ECT2L: variants seen among roughly 807,000 people sequenced by gnomAD.
The protein encoded by ECT2L is epithelial cell transforming 2 like, also known as epithelial cell-transforming sequence 2 oncogene-like.
ECT2L carries 126 observed loss-of-function variants against 122.8 expected under a neutral mutation model. That is an observed-to-expected ratio of 1.03 (90% confidence interval 0.89 to 1.19). The LOEUF (loss-of-function observed/expected upper bound fraction) is 1.19. ECT2L is among the 50% of genes most tolerant of loss of function. The probability of loss-of-function intolerance (pLI) is 0.00; values close to 1 mark genes in which losing one functional copy is unlikely to be tolerated. For synonymous variants in ECT2L, 385 were observed against 381.8 expected, an observed-to-expected ratio of 1.01 and a Z score of -0.10; for missense variants, 1,012 against 1,064.1, an observed-to-expected ratio of 0.95 and a Z score of 0.68.
intron 7 of ECT2L, 86 bp downstream of exon 7, chr6:138,844,666 A>G (rs1344046838): frequency 7.9e-7 from 1 of 1,269,980 alleles, no homozygotes; most frequent in Non-Finnish European, 1.1e-6. Context: ...TCACGCAGAA[A>G]TCTTGTGTAA....
At chr6:138,858,530 G>GC (rs1281332171) in intron 10 of ECT2L, among the ~76,000 whole-genome samples, 5 of 151,860 alleles carry the variant, frequency 3.3e-5, no homozygotes, top group Non-Finnish European at 7.4e-5. Flanking sequence ...ATGTAGGCCT[G>GC]CCCCATGAAA....
chr6:138,824,558 T>TAAAAAAAAAAAAAAAAAAAAAAA (rs748380178), intron 4 of ECT2L, among the ~76,000 whole-genome samples: 1 of 131,766 alleles, frequency 7.6e-6, no homozygotes, highest in African/African-American at 2.8e-5. Context: ...AAAAAAACTA[T>TAAAAAAAAAAAAAAAAAAAAAAA]AAAAAAAAAC....
At chr6:138,828,346 C>G (rs974830565) in intron 4 of ECT2L, among the ~76,000 whole-genome samples, 2 of 152,160 alleles carry the variant, frequency 1.3e-5, no homozygotes, top group African/African-American at 4.8e-5. Flanking sequence ...TAGGTTTTCT[C>G]CCCTCACCCT....
intron 14 of ECT2L, among the ~76,000 whole-genome samples, chr6:138,878,731 G>A (rs1315044757): frequency 1.3e-5 from 2 of 152,214 alleles, no homozygotes; most frequent in Non-Finnish European, 2.9e-5. Context: ...ACAGGCATGA[G>A]CCACCGCACG....
At chr6:138,841,443 C>T (rs1777037208) in intron 5 of ECT2L, among the ~76,000 whole-genome samples, 1 of 152,192 alleles carries the variant, frequency 6.6e-6, no homozygotes, top group South Asian at 2.1e-4. Context: ...TGAGATGTTT[C>T]AAAGCTGGCT....
chr6:138,878,744 G>A (rs1405476902), intron 14 of ECT2L, among the ~76,000 whole-genome samples: 1 of 152,176 alleles, frequency 6.6e-6, no homozygotes, highest in Admixed American at 6.5e-5. Flanking sequence ...ACCGCACGTG[G>A]CCAAGGAGGT....
In ECT2L at chr6:138,853,946, TA is replaced by T. The variant is rs1356155451; in HGVS notation, c.1070-79del. On this transcript the variant is annotated intron_variant, in intron 9 of 21. Transcript: ENST00000541398. ...GCAGATGGCATTTTGATTTTGTGCT[TA>T]CATTTTCACAAGCTGCTAATAATTT... 2.5e-5 allele frequency: 38 copies of T among 1,502,950 alleles called. No individual in the cohort carries two copies. The Admixed American group carries it at 6.9e-4, about 27-fold the overall frequency. 93.1% of individuals were successfully genotyped at this position (1,502,950 alleles called of 1,614,324 possible). A position where few individuals can be genotyped will look rare whatever the true frequency, so the allele number is the denominator to read the frequency against.
intron 9 of ECT2L, among the ~76,000 whole-genome samples, chr6:138,851,909 GATTT>G (rs2128394456): frequency 6.6e-6 from 1 of 152,304 alleles, no homozygotes; most frequent in South Asian, 2.1e-4. Flanking sequence ...GTTGGCTACA[GATTT>G]ATTATATTCC....
In ECT2L at chr6:138,849,401, G is replaced by T; in HGVS notation, c.1036G>T (p.Asp346Tyr). ...GGCACAGAGCATCGGAATATTTAGC[G>T]ATGGAGACAGCAGAGAAATCAATTT... ...QKAQSIGIFS[D>Y]GDSREINLLQ... The change falls in exon 9 of 22, where the codon GAT (aspartate) becomes TAT (tyrosine). Residue 346 changes from aspartate to tyrosine, a missense_variant. Asp to Tyr is a radical substitution (Grantham distance 160, BLOSUM62 -3). Transcript: ENST00000541398. 1 of 1,613,726 alleles carries T rather than the reference G, an allele frequency of 6.2e-7. No individual in the cohort carries two copies. Among genetic ancestry groups the T allele is most frequent in the South Asian group, 1.1e-5 (1 of 90,998 alleles).
chr6:138,845,237 T>C (rs1312257110), intron 7 of ECT2L, among the ~76,000 whole-genome samples: 1 of 140,842 alleles, frequency 7.1e-6, no homozygotes, highest in Non-Finnish European at 1.5e-5. Context: ...AACTTTTAAC[T>C]TTGGATTTTT....
At chr6:138,802,154 C>A (rs1775566044) in intron 1 of ECT2L, among the ~76,000 whole-genome samples, 1 of 152,192 alleles carries the variant, frequency 6.6e-6, no homozygotes, top group Admixed American at 6.5e-5. Flanking sequence ...AGCCTGTGGC[C>A]AACAACCAGC....
At chr6:138,833,133 C>T (rs975571011) in intron 4 of ECT2L, among the ~76,000 whole-genome samples, 1 of 152,160 alleles carries the variant, frequency 6.6e-6, no homozygotes, top group Non-Finnish European at 1.5e-5. Flanking sequence ...ATGATCCACT[C>T]ACCCACCACC....
chr6:138,804,516 A>G (rs1775649672), intron 1 of ECT2L, among the ~76,000 whole-genome samples: 1 of 152,076 alleles, frequency 6.6e-6, no homozygotes, highest in African/African-American at 2.4e-5. Context: ...TTCCTTGTTT[A>G]TCAAGACTAC....
chr6:138,889,829 C>G (rs1049461565), intron 20 of ECT2L, among the ~76,000 whole-genome samples: 1 of 152,068 alleles, frequency 6.6e-6, no homozygotes, highest in African/African-American at 2.4e-5. Context: ...ATTAGTATCC[C>G]CTTTACTCCT....
intron 20 of ECT2L, among the ~76,000 whole-genome samples, chr6:138,899,143 G>A (rs1428956170): frequency 6.6e-5 from 10 of 151,334 alleles, no homozygotes; most frequent in African/African-American, 2.2e-4. Flanking sequence ...CATTCACAGT[G>A]GCAATACAGA....
intron 5 of ECT2L, among the ~76,000 whole-genome samples, chr6:138,841,219 G>A: frequency 6.6e-6 from 1 of 152,076 alleles, no homozygotes; most frequent in East Asian, 1.9e-4. Context: ...GATCACCTGA[G>A]GATCTCTCTA....
intron 1 of ECT2L, among the ~76,000 whole-genome samples, chr6:138,803,255 T>TA (rs542418813): frequency 0.062 from 8,476 of 137,226 alleles, 355 homozygotes; most frequent in African/African-American, 0.12. Flanking sequence ...ATCCCAACTC[T>TA]AAAAAAAAAA....
rs1420091766 is a variant in ECT2L, at chr6:138,903,303, T to G, written c.*676T>G. Reference sequence around the variant, plus strand: ...TGTACCCGGGAGTCGGAGGTTGTAGTAAGCTGAGATGGCTCCATTGCACTT... The same window carrying G: ...TGTACCCGGGAGTCGGAGGTTGTAGGAAGCTGAGATGGCTCCATTGCACTT... On this transcript the variant is annotated 3_prime_UTR_variant, in exon 22 of 22. Transcript: ENST00000541398. The G allele has an allele frequency of 6.6e-6, 1 of 150,984 alleles. No homozygotes were observed. Among genetic ancestry groups the G allele is most frequent in the Non-Finnish European group, 1.5e-5 (1 of 67,910 alleles). 9.4% of individuals were successfully genotyped at this position (150,984 alleles called of 1,614,324 possible).
intron 4 of ECT2L, among the ~76,000 whole-genome samples, chr6:138,832,035 T>G (rs1776664558): frequency 6.6e-6 from 1 of 152,196 alleles, no homozygotes; most frequent in African/African-American, 2.4e-5. Flanking sequence ...TCAATTTTTT[T>G]TATCATTTTA....
Sources: allele counts gnomAD v4.1 joint callset (sites outside exome capture counted in the v4.1 genomes callset), GRCh38; gene constraint gnomAD v4.1.1; transcripts MANE v1.5; gene names NCBI Gene and HGNC (gene_info 2026-07-23, HGNC 2026-07-21).